SLC38A8: variants seen among roughly 807,000 people sequenced by gnomAD.
SLC38A8 encodes the protein amino acid transporter SLC38A8.
A neutral mutation model predicts 46.0 loss-of-function variants in SLC38A8; 65 were observed. That is an observed-to-expected ratio of 1.41 (90% CI 1.16 to 1.74). The LOEUF is 1.74. SLC38A8 is among the 40% of genes most tolerant of loss of function. The pLI is 0.00. For missense variants in SLC38A8, 998 were observed against 567.9 expected (o/e 1.76, Z -7.70); for synonymous variants, 447 against 243.7 (o/e 1.83, Z -7.77).
intron 6 of SLC38A8, among the ~76,000 whole-genome samples, chr16:84,027,915 T>G (rs2085184948): frequency 6.6e-6 from 1 of 152,100 alleles, no homozygotes; most frequent in Admixed American, 6.6e-5. Context: ...GACAGCAAAA[T>G]CAGCTCTTCA....
intron 2 of SLC38A8, among the ~76,000 whole-genome samples, chr16:84,040,551 G>A (rs959418610): frequency 2.0e-5 from 3 of 152,134 alleles, no homozygotes; most frequent in Non-Finnish European, 2.9e-5. Context: ...CCGGGGATTG[G>A]CCACAACCCT....
chr16:84,033,965 C>T (rs9922943), intron 3 of SLC38A8, among the ~76,000 whole-genome samples: 43,656 of 152,068 alleles, frequency 0.29, 6,573 homozygotes, highest in East Asian at 0.56. Flanking sequence ...AGTCATGGAT[C>T]GTAGGTAGAG....
chr16:84,018,278 G>A (rs1293046484), intron 7 of SLC38A8, among the ~76,000 whole-genome samples: 2 of 137,352 alleles, frequency 1.5e-5, no homozygotes, highest in African/African-American at 2.9e-5. Flanking sequence ...TGTCGCCCAG[G>A]CTGGAGTGCA....
Position 84,017,359 on chromosome 16 carries a change from G to A in SLC38A8, c.806-72C>T, listed in dbSNP as rs7186244. On this transcript the variant is annotated intron_variant, in intron 7 of 10. Transcript: ENST00000299709. ...CTGCCCCCTCCCCCACCAACAGACA[G>A]ACAGCGCCTGGCTTTACCACCTAAG... The A allele has an allele frequency of 8.8e-5, 138 of 1,563,268 alleles. No homozygotes were observed. The African/African-American group carries it at 1.5e-3, about 17-fold the overall frequency.
chr16:84,023,226 T>C (rs1162225607), intron 6 of SLC38A8, among the ~76,000 whole-genome samples: 1 of 151,978 alleles, frequency 6.6e-6, no homozygotes, highest in Non-Finnish European at 1.5e-5. Context: ...CTGCCCACCT[T>C]ATCTAAAAAA....
At position 84,031,922 on chromosome 16, in the gene SLC38A8, C is replaced by G; in HGVS notation, c.577G>C (p.Val193Leu). 1 of 1,614,190 alleles carries G rather than the reference C, an allele frequency of 6.2e-7. No individual in the cohort carries two copies. Among genetic ancestry groups the G allele is most frequent in the Non-Finnish European group, 8.5e-7 (1 of 1,180,024 alleles). Residue 193 changes from valine to leucine, a missense_variant, in exon 5 of 11, where the codon GTG (valine) becomes CTG (leucine). Coordinates refer to ENST00000299709, the MANE Select transcript of SLC38A8 (RefSeq NM_001080442.3). ...AACYLALVIT[V>L]QYYLWPQGLV... ...CCCTGGGGCCAGAGGTAGTACTGCA[C>G]GGTGATGACCAGGGCCAGGTAACAG...
At chr16:84,041,135 A>G (rs1257174906) in intron 2 of SLC38A8, 1 of 152,282 alleles carries the variant, frequency 6.6e-6, no homozygotes, top group Non-Finnish European at 1.5e-5. Flanking sequence ...TGTGCTCATC[A>G]GTGGCTCTCC....
chr16:84,014,036 G>A (rs2084992481), intron 9 of SLC38A8, among the ~76,000 whole-genome samples: 1 of 149,988 alleles, frequency 6.7e-6, no homozygotes, highest in African/African-American at 2.5e-5. Context: ...GAGCCTGAGG[G>A]AAGGGCTGTG....
chr16:84,029,218 G>A (rs911564828), intron 6 of SLC38A8, among the ~76,000 whole-genome samples: 35 of 152,232 alleles, frequency 2.3e-4, no homozygotes, highest in African/African-American at 7.9e-4. Flanking sequence ...CACTCTACGC[G>A]AAACCTAAAA....
intron 2 of SLC38A8, among the ~76,000 whole-genome samples, chr16:84,039,605 G>A (rs555722495): frequency 6.6e-6 from 1 of 152,126 alleles, no homozygotes; most frequent in Non-Finnish European, 1.5e-5. Context: ...AACTAGCAGG[G>A]TGTGGCAGCA....
chr16:84,017,779 T>G (rs1567692364), intron 7 of SLC38A8, among the ~76,000 whole-genome samples: 1 of 152,186 alleles, frequency 6.6e-6, no homozygotes. Flanking sequence ...AGGGTGACAC[T>G]GCTTCTGTCA....
rs1567686960 is a variant in SLC38A8 at position 84,009,742 on chromosome 16, C to CA, written c.*41dup. ...GCTGCATACAGCAGCCACGTAGGGTCAGCCCCCGGAGGGCCCCTTCCTGCC... is the reference window on the plus strand; with the variant it reads ...GCTGCATACAGCAGCCACGTAGGGTCAAGCCCCCGGAGGGCCCCTTCCTGCC... On this transcript the variant is annotated 3_prime_UTR_variant, in exon 11 of 11. Transcript: ENST00000299709. 6.4e-7 allele frequency: 1 copy of CA among 1,570,456 alleles called. No homozygotes were observed. Among genetic ancestry groups the CA allele is most frequent in the Non-Finnish European group, 8.7e-7 (1 of 1,150,148 alleles).
At chr16:84,021,316 C>A (rs1453069789) in intron 7 of SLC38A8, among the ~76,000 whole-genome samples, 6 of 152,186 alleles carry the variant, frequency 3.9e-5, no homozygotes, top group African/African-American at 1.4e-4. Flanking sequence ...CCACCTGCCT[C>A]GGCCTCCCAA....
In SLC38A8 at chr16:84,042,172, G is replaced by A. The variant is rs763803229; in HGVS notation, c.-2-13C>T. 27 of 1,597,324 alleles carry A rather than the reference G, an allele frequency of 1.7e-5. No individual in the cohort carries two copies. In the African/African-American group the frequency reaches 2.3e-4, roughly 14 times the overall value. ...TGTCCCTCCATGGCTAGAGGCGGCA[G>A]AGGGGTGGAGAGAAAGCACAGTCTT... On this transcript the variant is annotated splice_polypyrimidine_tract_variant and intron_variant, in intron 1 of 10. Coordinates refer to ENST00000299709, the MANE Select transcript of SLC38A8 (RefSeq NM_001080442.3).
intron 4 of SLC38A8, among the ~76,000 whole-genome samples, chr16:84,032,350 C>T (rs1304260190): frequency 2.0e-5 from 3 of 152,110 alleles, no homozygotes; most frequent in South Asian, 2.1e-4. Context: ...CCCCACGCCT[C>T]GCTAATTTTT....
chr16:84,017,695 A>G (rs1312345176), intron 7 of SLC38A8, among the ~76,000 whole-genome samples: 2 of 152,236 alleles, frequency 1.3e-5, no homozygotes, highest in Admixed American at 6.5e-5. Context: ...GAGCCAGGGC[A>G]TCAACCAATA....
intron 7 of SLC38A8, among the ~76,000 whole-genome samples, chr16:84,019,695 C>G (rs940928489): frequency 6.6e-6 from 1 of 152,180 alleles, no homozygotes; most frequent in Non-Finnish European, 1.5e-5. Flanking sequence ...CTCAGAGGTC[C>G]AAAGTCCAGA....
At chr16:84,029,439 A>G in intron 6 of SLC38A8, 55 bp downstream of exon 6, 1 of 1,581,654 alleles carries the variant, frequency 6.3e-7, no homozygotes, top group Non-Finnish European at 8.7e-7. Flanking sequence ...GGGAGCAGAG[A>G]GTCACCCACA....
At chr16:84,013,422 GTGTTTTTTT>G (rs931288510) in intron 9 of SLC38A8, among the ~76,000 whole-genome samples, 2 of 108,700 alleles carry the variant, frequency 1.8e-5, no homozygotes, top group African/African-American at 8.2e-5. Flanking sequence ...TGTTGTGTGT[GTGTTTTTTT>G]TTTTTTTTTT....
Sources: gnomAD v4.1 joint callset for allele counts (sites outside exome capture counted in the v4.1 genomes callset) on GRCh38, gnomAD v4.1.1 for gene constraint, MANE v1.5 for transcripts, NCBI Gene and HGNC (gene_info 2026-07-23, HGNC 2026-07-21) for gene names.